Variants in SLC25A17 observed in about 807,000 individuals in gnomAD.
SLC25A17 encodes the protein peroxisomal membrane protein PMP34.
In SLC25A17, 26 loss-of-function variants were observed where a neutral mutation model predicts 38.5. The ratio of observed to expected loss-of-function variants is 0.68; its 90% CI spans 0.50 to 0.94. The LOEUF is 0.94. Among genes scored for constraint, SLC25A17 ranks in the 40% least tolerant of loss-of-function variants. The probability of loss-of-function intolerance (pLI) is 0.00; values close to 1 mark genes in which losing one functional copy is unlikely to be tolerated. For missense variants in SLC25A17, 333 were observed against 372.7 expected (o/e 0.89, Z 0.88); for synonymous variants, 139 against 136.2 (o/e 1.02, Z -0.14).
At chr22:40,806,459 C>T (rs1435191826) in intron 1 of SLC25A17, among the ~76,000 whole-genome samples, 1 of 151,762 alleles carries the variant, frequency 6.6e-6, no homozygotes, top group Non-Finnish European at 1.5e-5. Context: ...GCTGAGCTTG[C>T]AAGAAAGTAA....
intron 8 of SLC25A17, among the ~76,000 whole-genome samples, chr22:40,772,146 A>C (rs1429219847): frequency 6.6e-6 from 1 of 152,184 alleles, no homozygotes; most frequent in Non-Finnish European, 1.5e-5. Context: ...GGTATATAAA[A>C]ATTTTTAAAG....
intron 8 of SLC25A17, among the ~76,000 whole-genome samples, chr22:40,771,709 C>G (rs1274010523): frequency 1.3e-5 from 2 of 152,032 alleles, no homozygotes; most frequent in African/African-American, 4.8e-5. Context: ...CCAGAGACTA[C>G]TGGGAAGAGT....
chr22:40,773,225 C>T (rs1176957204), intron 8 of SLC25A17, among the ~76,000 whole-genome samples: 2 of 151,894 alleles, frequency 1.3e-5, no homozygotes, highest in Non-Finnish European at 2.9e-5. Context: ...CTGGCAAACA[C>T]AGTGAAACCC....
chr22:40,779,724 C>T (rs983773090), intron 4 of SLC25A17: 4 of 156,130 alleles, frequency 2.6e-5, no homozygotes, highest in Non-Finnish European at 5.7e-5. Flanking sequence ...TCACAAAACA[C>T]CTGAAACAGC....
At position 40,812,967 on chromosome 22, in the gene SLC25A17, C is replaced by T. The variant is rs181239292; in HGVS notation, c.54+6228G>A. On this transcript the variant is annotated intron_variant, in intron 1 of 8. Coordinates refer to ENST00000435456, the MANE Select transcript of SLC25A17 (RefSeq NM_006358.4). ...AAAGATTAAAAGCCACTTACAATGG[C>T]TTTCATATTTAAAAATGTTATTCAC... Among the ~76,000 whole-genome samples, 10 of 152,220 alleles carry T rather than the reference C, an allele frequency of 6.6e-5. No homozygotes were observed. In the East Asian group the frequency reaches 1.9e-3, roughly 29 times the overall value.
intron 8 of SLC25A17, among the ~76,000 whole-genome samples, chr22:40,772,465 T>C (rs1362974962): frequency 6.6e-6 from 1 of 152,000 alleles, no homozygotes; most frequent in African/African-American, 2.4e-5. Context: ...CCAGGATGCC[T>C]AGCTAATTTT....
chr22:40,777,407 GATCAC>G, intron 5 of SLC25A17, 34 bp from the exon 6 acceptor site: 1 of 1,597,984 alleles, frequency 6.3e-7, no homozygotes, highest in Non-Finnish European at 8.5e-7. Context: ...TGAAAAGCAT[GATCAC>G]AATCCCCCAA....
At chr22:40,808,681 C>T (rs142562953) in intron 1 of SLC25A17, among the ~76,000 whole-genome samples, 2 of 152,262 alleles carry the variant, frequency 1.3e-5, no homozygotes, top group East Asian at 1.9e-4. Flanking sequence ...TAAACATTTC[C>T]GTTTTGAAGT....
At chr22:40,780,426 C>T (rs975631461) in intron 4 of SLC25A17, among the ~76,000 whole-genome samples, 1 of 152,218 alleles carries the variant, frequency 6.6e-6, no homozygotes, top group Non-Finnish European at 1.5e-5. Flanking sequence ...TCACTGGAGG[C>T]ATTGCCTATA....
rs1312109125 is a variant in SLC25A17 at position 40,773,975 on chromosome 22, A to G, written c.738T>C (p.Ser246=). The G allele has an allele frequency of 6.2e-7, 1 of 1,613,558 alleles. No homozygotes were observed. Among genetic ancestry groups the G allele is most frequent in the East Asian group, 2.2e-5 (1 of 44,872 alleles). ...RLNPENRTLG[S]LRNILYLLHQ... ...GAAGAAGATAGAGAATATTCCGAAG[A>G]CTTCCCAATGTTCTGTTTTCTGGGT... Residue 246 remains serine (S), a synonymous_variant, in exon 8 of 9, where the codon AGT becomes AGC. Coordinates refer to ENST00000435456, the MANE Select transcript of SLC25A17 (RefSeq NM_006358.4).
At chr22:40,782,769 TCAC>T (rs2057305996) in intron 4 of SLC25A17, among the ~76,000 whole-genome samples, 1 of 152,240 alleles carries the variant, frequency 6.6e-6, no homozygotes, top group South Asian at 2.1e-4. Flanking sequence ...TTTTGAACTA[TCAC>T]AACAATGATA....
chr22:40,810,019 T>A (rs559593167), intron 1 of SLC25A17, among the ~76,000 whole-genome samples: 1 of 152,304 alleles, frequency 6.6e-6, no homozygotes, highest in East Asian at 1.9e-4. Context: ...AATGATGGGC[T>A]GTGATATTAT....
chr22:40,807,636 C>T (rs938221101), intron 1 of SLC25A17, among the ~76,000 whole-genome samples: 4 of 152,042 alleles, frequency 2.6e-5, no homozygotes, highest in Non-Finnish European at 5.9e-5. Flanking sequence ...GTAGTCCCAG[C>T]TACTCAGGAG....
In SLC25A17 at chr22:40,770,762, A is replaced by T. The variant is rs985513535; in HGVS notation, c.*72T>A. The T allele has an allele frequency of 8.2e-6, 12 of 1,470,320 alleles. No individual in the cohort carries two copies. The highest frequency in any genetic ancestry group is 1.1e-5 in the Non-Finnish European group (12 of 1,086,650). The allele number at this position is 1,470,320 out of a possible 1,614,324, so 91.1% of individuals were successfully genotyped here. A position where few individuals can be genotyped will look rare whatever the true frequency, so the allele number is the denominator to read the frequency against. On this transcript the variant is annotated 3_prime_UTR_variant, in exon 9 of 9. Coordinates refer to ENST00000435456, the MANE Select transcript of SLC25A17 (RefSeq NM_006358.4). ...TGGTGGCAGGAGCCAGAGTCAAGGG[A>T]GAATCACTTCTCTTCACTCAGGAGG...
intron 1 of SLC25A17, among the ~76,000 whole-genome samples, chr22:40,818,722 AAAAAGG>A (rs892582189): frequency 1.3e-5 from 2 of 151,722 alleles, no homozygotes; most frequent in Non-Finnish European, 2.9e-5. Flanking sequence ...AAAAAAAAAA[AAAAAGG>A]ATCTATCTTC....
intron 1 of SLC25A17, among the ~76,000 whole-genome samples, chr22:40,815,641 G>A (rs1007152224): frequency 1.3e-5 from 2 of 152,106 alleles, no homozygotes; most frequent in Admixed American, 6.5e-5. Flanking sequence ...TTACTACAAC[G>A]TTCCATTATG....
chr22:40,813,807 T>A (rs892449768), intron 1 of SLC25A17: 1 of 152,428 alleles, frequency 6.6e-6, no homozygotes, highest in Non-Finnish European at 1.5e-5. Context: ...GGTTTCTACA[T>A]GTCCTTTATA....
intron 1 of SLC25A17, 53 bp from the exon 2 acceptor site, chr22:40,799,136 A>T: frequency 6.8e-7 from 1 of 1,460,196 alleles, no homozygotes; most frequent in East Asian, 2.3e-5. Flanking sequence ...TTTAAGTCAC[A>T]ACTTTTTTTT....
At chr22:40,788,242 T>A in intron 4 of SLC25A17, among the ~76,000 whole-genome samples, 1 of 152,342 alleles carries the variant, frequency 6.6e-6, no homozygotes, top group Admixed American at 6.5e-5. Context: ...ATTTTTTAAA[T>A]CTTGATTTTT....
Sources: gnomAD v4.1 joint callset for allele counts (sites outside exome capture counted in the v4.1 genomes callset) on GRCh38, gnomAD v4.1.1 for gene constraint, MANE v1.5 for transcripts, NCBI Gene and HGNC (gene_info 2026-07-23, HGNC 2026-07-21) for gene names.